The following ELL variants were observed in gnomAD, a reference collection of about 807,000 sequenced individuals.
ELL encodes RNA polymerase II elongation factor ELL.
In ELL, 18 loss-of-function variants were observed where a neutral mutation model predicts 64.0. The observed-to-expected ratio is 0.28, with a 90% confidence interval of 0.19 to 0.42. The LOEUF is 0.42. ELL is among the 10% of genes least tolerant of loss of function. The pLI is 1.00. For missense variants in ELL, 797 were observed against 870.4 expected, an observed-to-expected ratio of 0.92 and a Z score of 1.06; for synonymous variants, 399 against 376.2, an observed-to-expected ratio of 1.06 and a Z score of -0.70.
intron 1 of ELL, among the ~76,000 whole-genome samples, chr19:18,519,788 C>T (rs1976215963): frequency 7.8e-6 from 1 of 128,616 alleles, no homozygotes; most frequent in African/African-American, 3.0e-5. Context: ...GCCTGGGCAG[C>T]AGAGTGAAAC....
intron 1 of ELL, among the ~76,000 whole-genome samples, chr19:18,502,255 G>C (rs1471024416): frequency 2.6e-5 from 4 of 152,160 alleles, no homozygotes; most frequent in Admixed American, 6.5e-5. Flanking sequence ...GACAGCAAGG[G>C]AGACACATGA....
At chr19:18,490,864 C>A (rs1568392041) in intron 1 of ELL, among the ~76,000 whole-genome samples, 2 of 152,196 alleles carry the variant, frequency 1.3e-5, no homozygotes. Flanking sequence ...GGTTCTATCT[C>A]CACTGGCCTG....
At position 18,519,308 on chromosome 19, in the gene ELL, G is replaced by A. The variant is rs575111540; in HGVS notation, c.135+2613C>T. Among the ~76,000 whole-genome samples, 4 of 152,004 alleles carry A rather than the reference G, an allele frequency of 2.6e-5. No individual in the cohort carries two copies. The East Asian group carries it at 5.8e-4, about 22-fold the overall frequency. ...TGGCAAACTATATAACCACAGCATCGAGGAATACAAAACTCTGGCTTCTGG... is the reference window on the plus strand; with the variant it reads ...TGGCAAACTATATAACCACAGCATCAAGGAATACAAAACTCTGGCTTCTGG... On this transcript the variant is annotated intron_variant, in intron 1 of 11. Transcript: ENST00000262809.
At position 18,450,622 on chromosome 19, in the gene ELL, G is replaced by C; in HGVS notation, c.1320C>G (p.His440Gln). 6.2e-7 allele frequency: 1 copy of C among 1,609,574 alleles called. No individual in the cohort carries two copies. Among genetic ancestry groups the C allele is most frequent in the South Asian group, 1.1e-5 (1 of 90,710 alleles). ...LTDCAQPSRP[H>Q]GSPSRSKPKK... ...TGGGCTTGCTGCGCGAGGGGCTGCC[G>C]TGTGGCCTGCTGGGCTGGGCACAGT... The change falls in exon 8 of 12, where the codon CAC becomes CAG. Residue 440 changes from histidine to glutamine, a missense_variant. By Grantham distance (24) the His-to-Gln change is conservative (BLOSUM62 0). Transcript: ENST00000262809.
At chr19:18,456,129 G>T (rs891056061) in intron 6 of ELL, among the ~76,000 whole-genome samples, 1 of 152,046 alleles carries the variant, frequency 6.6e-6, no homozygotes, top group Non-Finnish European at 1.5e-5. Flanking sequence ...AAACCAGGAA[G>T]AGGAGGACAG....
intron 6 of ELL, among the ~76,000 whole-genome samples, chr19:18,455,137 T>G (rs1455359762): frequency 9.6e-6 from 1 of 104,088 alleles, no homozygotes; most frequent in Non-Finnish European, 1.8e-5. Context: ...TGAGAGTCCC[T>G]CTCCAAAAAA....
chr19:18,459,359 C>G (rs1974753127), intron 5 of ELL, among the ~76,000 whole-genome samples: 1 of 152,212 alleles, frequency 6.6e-6, no homozygotes, highest in African/African-American at 2.4e-5. Context: ...TTCAGAACGT[C>G]TGCCTTAGAG....
Position 18,520,106 on chromosome 19 carries a change from TA to T in ELL, c.135+1814del, listed in dbSNP as rs576807111. Among the ~76,000 whole-genome samples, 101 of 152,162 alleles carry T rather than the reference TA, an allele frequency of 6.6e-4. 1 individual carries two copies. The highest frequency in any genetic ancestry group is 3.4e-3 in the Middle Eastern group (1 of 294). ...TGTAACCAATACCCTAAAGTAAAAA[TA>T]GCAGTGTGACAGCATGAGGTGGACA... On this transcript the variant is annotated intron_variant, in intron 1 of 11. Transcript: ENST00000262809.
At chr19:18,466,073 G>A (rs1161772878) in intron 2 of ELL, among the ~76,000 whole-genome samples, 155 bp from the exon 3 acceptor site, 5 of 152,180 alleles carry the variant, frequency 3.3e-5, no homozygotes, top group South Asian at 2.1e-4. Flanking sequence ...AGCCAGTGAC[G>A]GGACAGGCAG....
rs1013244317 is a variant in ELL at position 18,501,721 on chromosome 19, T to C, written c.135+20200A>G. On this transcript the variant is annotated intron_variant, in intron 1 of 11. Coordinates refer to ENST00000262809, the MANE Select transcript of ELL (RefSeq NM_006532.4). This position sits in a 1 kb window ranked among gnomAD's most constrained non-coding sequence, Gnocchi z 4.5. ...GGGCCCAAGAGGTGATGGCATCACA[T>C]AAAAGCAAAAGAAACTTGAAACCAC... Among the ~76,000 whole-genome samples the C allele has an allele frequency of 4.6e-5, 7 of 152,214 alleles. No homozygotes were observed. Among genetic ancestry groups the C allele is most frequent in the Admixed American group, 6.5e-5 (1 of 15,296 alleles).
At chr19:18,521,877 G>T (rs1976288051) in intron 1 of ELL, 44 bp downstream of exon 1, 5 of 1,537,242 alleles carry the variant, frequency 3.3e-6, no homozygotes, top group Admixed American at 2.0e-5. Context: ...GCCGGCCCGC[G>T]TCCGGACGTT....
In ELL at chr19:18,522,013, C is replaced by G. The variant is rs1018611989; in HGVS notation, c.43G>C (p.Gly15Arg). 1.9e-6 allele frequency: 3 copies of G among 1,611,202 alleles called. No homozygotes were observed. The highest frequency in any genetic ancestry group is 2.5e-6 in the Non-Finnish European group (3 of 1,178,726). The stretch of plus-strand genomic sequence containing the variant: ...ACCTTGCTGCCGTCGCTAACCCGCC[C>G]GCACGACAGCCCGTAGCTCCTATCC... Reference protein sequence around the residue: ...KEDRSYGLSCGRVSDGSKVSV... With the variant: ...KEDRSYGLSCRRVSDGSKVSV... Residue 15 changes from glycine (G) to arginine (R), a missense_variant, in exon 1 of 12, where the codon GGG becomes CGG. Transcript: ENST00000262809.
At chr19:18,489,827 G>A (rs868421626) in intron 1 of ELL, among the ~76,000 whole-genome samples, 5 of 152,264 alleles carry the variant, frequency 3.3e-5, no homozygotes, top group East Asian at 3.9e-4. Context: ...ATTGGGGTGC[G>A]AGGTTGGTCT....
rs1210264285 is a variant in ELL at position 18,442,706 on chromosome 19, T to C, written c.*2046A>G. 5.2e-6 allele frequency: 1 copy of C among 193,196 alleles called. No individual in the cohort carries two copies. Among genetic ancestry groups the C allele is most frequent in the East Asian group, 8.1e-5 (1 of 12,420 alleles). 12.0% of individuals were successfully genotyped at this position (193,196 alleles called of 1,614,324 possible). A position where few individuals can be genotyped will look rare whatever the true frequency, so the allele number is the denominator to read the frequency against. ...ATTGGAGAATGAAAAAAGTCAGCAT[T>C]CACCTGTTTAGTGTACAAAAAGGAC... is the stretch of plus-strand genomic sequence containing the variant. On this transcript the variant is annotated 3_prime_UTR_variant, in exon 12 of 12. Transcript: ENST00000262809.
intron 1 of ELL, among the ~76,000 whole-genome samples, chr19:18,485,612 A>G (rs1374328634): frequency 6.6e-6 from 1 of 152,160 alleles, no homozygotes; most frequent in Non-Finnish European, 1.5e-5. Flanking sequence ...GGCCCAGCCC[A>G]GGGTGCCCCA....
chr19:18,451,515 G>A, intron 7 of ELL, 37 bp downstream of exon 7: 1 of 1,434,332 alleles, frequency 7.0e-7, no homozygotes, highest in South Asian at 1.4e-5. Flanking sequence ...TGCCCTGCAG[G>A]TGCTTGGGAC....
chr19:18,480,775 A>C lies in ELL; in HGVS notation c.136-7893T>G, dbSNP rs532929426. Among the ~76,000 whole-genome samples, 4 of 152,218 alleles carry C rather than the reference A, an allele frequency of 2.6e-5. No homozygotes were observed. The South Asian group carries it at 8.3e-4, about 32-fold the overall frequency. On this transcript the variant is annotated intron_variant, in intron 1 of 11. Transcript: ENST00000262809. ...TCAGCTCCCGAGTAGCTGGGACCAC[A>C]GGCACACACCAACACACCTGGCTAA... is the stretch of plus-strand genomic sequence containing the variant.
chr19:18,449,000 C>G (rs908581830), intron 8 of ELL, among the ~76,000 whole-genome samples: 4 of 152,292 alleles, frequency 2.6e-5, no homozygotes, highest in African/African-American at 7.2e-5. Flanking sequence ...CATGGACCAC[C>G]AGCACCAGGC....
At chr19:18,473,056 G>A (rs1457056688) in intron 1 of ELL, 174 bp from the exon 2 acceptor site, 3 of 764,246 alleles carry the variant, frequency 3.9e-6, no homozygotes, top group Non-Finnish European at 6.3e-6. Flanking sequence ...CCGGAGCAGG[G>A]TTTTAGAAGG....
Sources: allele counts gnomAD v4.1 joint callset (sites outside exome capture counted in the v4.1 genomes callset), GRCh38; gene constraint gnomAD v4.1.1; non-coding constraint Gnocchi (gnomAD v3.1); transcripts MANE v1.5; gene names NCBI Gene and HGNC (gene_info 2026-07-23, HGNC 2026-07-21).